The following PBX1 variants were observed in gnomAD, a reference collection of about 807,000 sequenced individuals.
PBX1 encodes pre-B-cell leukemia transcription factor 1.
Under a neutral mutation model 53.4 loss-of-function variants are expected in PBX1, and 6 were observed. That is an observed-to-expected ratio of 0.11 (90% CI 0.06 to 0.22). The LOEUF (loss-of-function observed/expected upper bound fraction) is 0.22, where lower values mean the gene tolerates loss of function less well. PBX1 is among the 10% of genes least tolerant of loss of function. The probability of loss-of-function intolerance (pLI) is 1.00; values close to 1 mark genes in which losing one functional copy is unlikely to be tolerated. For synonymous variants in PBX1, 204 were observed against 212.3 expected, an observed-to-expected ratio of 0.96 and a Z score of 0.34; for missense variants, 251 against 551.4, an observed-to-expected ratio of 0.46 and a Z score of 5.46.
intron 8 of PBX1, among the ~76,000 whole-genome samples, chr1:164,824,953 A>G (rs1373945092): frequency 6.6e-6 from 1 of 151,862 alleles, no homozygotes; most frequent in African/African-American, 2.4e-5. Context: ...TCTCCCACAC[A>G]CCCTCTGAAT....
Position 164,847,393 on chromosome 1 carries a change from A to G in PBX1, c.*717A>G. 9.4e-7 allele frequency: 1 copy of G among 1,064,626 alleles called. No individual in the cohort carries two copies. The highest frequency in any genetic ancestry group is 1.1e-6 in the Non-Finnish European group (1 of 878,850). The allele number at this position is 1,064,626 out of a possible 1,614,324, so 65.9% of individuals were successfully genotyped here. A position where few individuals can be genotyped will look rare whatever the true frequency, so the allele number is the denominator to read the frequency against. ...CCGGGCAGGAAGTCAGGCAGCAGGG[A>G]AGGACACGGGAACAGCAGGTGGAGA... On this transcript the variant is annotated 3_prime_UTR_variant, in exon 9 of 9. Transcript: ENST00000420696.
chr1:164,833,338 C>T (rs981994822), intron 8 of PBX1, among the ~76,000 whole-genome samples: 1 of 152,202 alleles, frequency 6.6e-6, no homozygotes, highest in Non-Finnish European at 1.5e-5. Context: ...CTTCAGATCA[C>T]AGGTTCCCGA....
At chr1:164,728,318 C>CAA (rs1212181485) in intron 2 of PBX1, among the ~76,000 whole-genome samples, 2 of 91,254 alleles carry the variant, frequency 2.2e-5, no homozygotes, top group African/African-American at 4.0e-5. Context: ...CTTGTCTTAA[C>CAA]AAAAAAAAAA....
chr1:164,853,421 T>C (rs1671903297), downstream of PBX1, among the ~76,000 whole-genome samples: 1 of 152,174 alleles, frequency 6.6e-6, no homozygotes, highest in Non-Finnish European at 1.5e-5. Context: ...GCTGTTTCAT[T>C]GACTGGACAC....
At chr1:164,618,072 C>T (rs949128616) in intron 2 of PBX1, among the ~76,000 whole-genome samples, 2 of 152,180 alleles carry the variant, frequency 1.3e-5, no homozygotes, top group African/African-American at 4.8e-5. Flanking sequence ...GATCATAATG[C>T]TTAATTCTTT....
At chr1:164,675,601 C>T (rs1027884870) in intron 2 of PBX1, among the ~76,000 whole-genome samples, 1 of 152,070 alleles carries the variant, frequency 6.6e-6, no homozygotes, top group East Asian at 1.9e-4. Context: ...TGATTTATCT[C>T]ACCTCTTACC....
intron 2 of PBX1, among the ~76,000 whole-genome samples, chr1:164,586,568 A>T (rs1023995176): frequency 6.6e-6 from 1 of 152,198 alleles, no homozygotes; most frequent in Non-Finnish European, 1.5e-5. Flanking sequence ...GGCCCTGTCC[A>T]CTTCCAGGGA....
chr1:164,581,384 C>T (rs550180940), intron 2 of PBX1, among the ~76,000 whole-genome samples: 7 of 152,060 alleles, frequency 4.6e-5, no homozygotes, highest in South Asian at 2.1e-4. Context: ...CGGGCCACCG[C>T]GCCTGGCTAA....
At chr1:164,823,876 A>G (rs984311256) in intron 8 of PBX1, among the ~76,000 whole-genome samples, 6 of 151,966 alleles carry the variant, frequency 3.9e-5, no homozygotes, top group African/African-American at 7.3e-5. Context: ...TGTTCTTTTG[A>G]TATCAGTTTT....
chr1:164,790,686 C>T (rs550083602), intron 2 of PBX1, among the ~76,000 whole-genome samples: 1 of 152,278 alleles, frequency 6.6e-6, no homozygotes, highest in South Asian at 2.1e-4. Context: ...TTGTGAGAGC[C>T]ATACTGTAGT....
At chr1:164,808,829 TTC>T (rs1400049879) in intron 5 of PBX1, among the ~76,000 whole-genome samples, 1 of 152,200 alleles carries the variant, frequency 6.6e-6, no homozygotes, top group African/African-American at 2.4e-5. Flanking sequence ...CTTGAAAACA[TTC>T]TTTCAGATAA....
chr1:164,833,394 A>G (rs1670866222), intron 8 of PBX1, among the ~76,000 whole-genome samples: 1 of 152,094 alleles, frequency 6.6e-6, no homozygotes, highest in African/African-American at 2.4e-5. Context: ...CTCTCGTCAT[A>G]GATAAGATTG....
intron 2 of PBX1, among the ~76,000 whole-genome samples, chr1:164,571,502 T>C (rs939434006): frequency 3.3e-5 from 5 of 152,328 alleles, no homozygotes; most frequent in Admixed American, 6.5e-5. Context: ...TCATCCATAC[T>C]GTAGCATCTA....
At chr1:164,787,846 G>A (rs1330963495) in intron 2 of PBX1, 1 of 152,180 alleles carries the variant, frequency 6.6e-6, no homozygotes, top group Non-Finnish European at 1.5e-5. Context: ...ATAATTGGGT[G>A]GATTTGTGGG....
In PBX1 at chr1:164,749,667, A is replaced by T. The variant is rs186823257; in HGVS notation, c.266-42827A>T. On this transcript the variant is annotated intron_variant, in intron 2 of 8. Coordinates refer to ENST00000420696, the MANE Select transcript of PBX1 (RefSeq NM_002585.4). ...TTTTTAGAAGTACAGTAGCTGGGGG[A>T]TGATTGGATGGGTGAGTGGATGGAT... 3.7e-4 allele frequency among the ~76,000 whole-genome samples: 57 copies of T among 152,144 alleles called. 1 individual carries two copies. In the East Asian group the frequency reaches 0.011, roughly 29 times the overall value.
Position 164,775,771 on chromosome 1 carries a change from C to T in PBX1, c.266-16723C>T, listed in dbSNP as rs540212230. 1.1e-4 allele frequency among the ~76,000 whole-genome samples: 16 copies of T among 152,224 alleles called. No homozygotes were observed. In the South Asian group the frequency reaches 3.1e-3, roughly 30 times the overall value. On this transcript the variant is annotated intron_variant, in intron 2 of 8. Coordinates refer to ENST00000420696, the MANE Select transcript of PBX1 (RefSeq NM_002585.4). ...TGTTTAAGCCCTACAAATGGCTATT[C>T]GGTTTAATGGTGTAAGGATGGGGTG...
At chr1:164,562,452 T>TACACACGC (rs1553207140) in intron 1 of PBX1, among the ~76,000 whole-genome samples, 1 of 143,298 alleles carries the variant, frequency 7.0e-6, no homozygotes, top group African/African-American at 2.6e-5. Flanking sequence ...GCATTCAGAA[T>TACACACGC]ACACACACAC....
chr1:164,588,765 C>T (rs1253421518), intron 2 of PBX1, among the ~76,000 whole-genome samples: 1 of 152,040 alleles, frequency 6.6e-6, no homozygotes, highest in Non-Finnish European at 1.5e-5. Context: ...AGCATGGGCC[C>T]AACAGCCTTG....
At chr1:164,866,098 A>G (rs1247493551) in intron 2 of PBX1, among the ~76,000 whole-genome samples, 2 of 152,228 alleles carry the variant, frequency 1.3e-5, no homozygotes, top group African/African-American at 4.8e-5. Context: ...CCACCAGATC[A>G]TGGCGCTTAA....
Sources: allele counts gnomAD v4.1 joint callset (sites outside exome capture counted in the v4.1 genomes callset), GRCh38; gene constraint gnomAD v4.1.1; transcripts MANE v1.5; gene names NCBI Gene and HGNC (gene_info 2026-07-23, HGNC 2026-07-21).